THRB: variants seen among roughly 807,000 people sequenced by gnomAD.
The protein encoded by THRB is nuclear receptor subfamily 1 group A member 2.
A neutral mutation model predicts 47.8 loss-of-function variants in THRB; 12 were observed. That is an observed-to-expected ratio of 0.25 (90% CI 0.16 to 0.41). The LOEUF (loss-of-function observed/expected upper bound fraction) is 0.41, where lower values mean the gene tolerates loss of function less well. Ranked by LOEUF, THRB falls within the 10% of genes least tolerant of loss-of-function variation. The pLI is 1.00. For synonymous variants in THRB, 218 were observed against 212.2 expected (o/e 1.03, Z -0.24); for missense variants, 348 against 589.2 (o/e 0.59, Z 4.24).
chr3:24,437,494 T>C (rs1258975323), intron 1 of THRB, among the ~76,000 whole-genome samples: 1 of 152,100 alleles, frequency 6.6e-6, no homozygotes, highest in Non-Finnish European at 1.5e-5. Context: ...AGTTAACAAT[T>C]GACTGTACAT....
chr3:24,187,180 C>T (rs2042701731), intron 5 of THRB, among the ~76,000 whole-genome samples: 1 of 152,200 alleles, frequency 6.6e-6, no homozygotes, highest in South Asian at 2.1e-4. Context: ...CCCCAACTAA[C>T]TGTCTATATC....
At chr3:24,190,004 C>G in intron 5 of THRB, 70 bp downstream of exon 5, 1 of 1,458,380 alleles carries the variant, frequency 6.9e-7, no homozygotes, top group Non-Finnish European at 9.6e-7. Context: ...AGATGAAGTA[C>G]ACAGCTACAA....
intron 1 of THRB, among the ~76,000 whole-genome samples, chr3:24,449,552 T>G (rs1051294653): frequency 1.3e-5 from 2 of 152,196 alleles, no homozygotes; most frequent in African/African-American, 4.8e-5. Context: ...CCAACAGCTC[T>G]AATTTTCTGT....
intron 1 of THRB, among the ~76,000 whole-genome samples, chr3:24,367,862 C>T (rs1207045045): frequency 1.3e-5 from 2 of 152,040 alleles, no homozygotes; most frequent in Non-Finnish European, 2.9e-5. Flanking sequence ...ACTGTGATTG[C>T]CATGGGGACA....
At chr3:24,494,906 G>C (rs1332466015), upstream of THRB, 1 of 152,308 alleles carries the variant, frequency 6.6e-6, no homozygotes, top group African/African-American at 2.4e-5. Flanking sequence ...TCCTCCCGGC[G>C]GCGGGGTCCC....
At chr3:24,477,189 T>C (rs1255600890) in intron 1 of THRB, among the ~76,000 whole-genome samples, 1 of 152,048 alleles carries the variant, frequency 6.6e-6, no homozygotes, top group Admixed American at 6.6e-5. Flanking sequence ...TCTATTTTAG[T>C]CTGTTTACTT....
intron 5 of THRB, among the ~76,000 whole-genome samples, chr3:24,172,228 G>A (rs1356886046): frequency 6.6e-6 from 1 of 152,138 alleles, no homozygotes; most frequent in Non-Finnish European, 1.5e-5. Context: ...ACATAACAGT[G>A]CATTTCTCAG....
chr3:24,143,461 TG>T, intron 8 of THRB, 39 bp downstream of exon 8: 2 of 1,587,732 alleles, frequency 1.3e-6, no homozygotes, highest in Non-Finnish European at 1.7e-6. Flanking sequence ...TAGAAAACAC[TG>T]GCATATAAGT....
At chr3:24,337,128 T>C (rs2062312048) in intron 2 of THRB, among the ~76,000 whole-genome samples, 172 bp downstream of exon 2, 1 of 152,212 alleles carries the variant, frequency 6.6e-6, no homozygotes, top group African/African-American at 2.4e-5. Context: ...TTCTGTTATG[T>C]TTTTAGTTCA....
chr3:24,144,724 A>T (rs867366789), intron 7 of THRB: 5 of 152,194 alleles, frequency 3.3e-5, no homozygotes, highest in African/African-American at 1.2e-4. Flanking sequence ...CTTAGACGTC[A>T]TCTAGTCCTA....
chr3:24,351,117 G>T (rs2063331051), intron 1 of THRB, among the ~76,000 whole-genome samples: 1 of 151,500 alleles, frequency 6.6e-6, no homozygotes, highest in Non-Finnish European at 1.5e-5. Context: ...GTGTATAGTT[G>T]TAGATCAGCA....
rs762479569 is a variant in THRB, at chr3:24,462,473, C to G, written c.-261+32179G>C. Among the ~76,000 whole-genome samples the G allele has an allele frequency of 2.0e-5, 3 of 152,162 alleles. 1 individual carries two copies. The highest frequency in any genetic ancestry group is 6.5e-5 in the Admixed American group (1 of 15,284). The stretch of plus-strand genomic sequence containing the variant: ...ATTACTCACGGCATTTCAGGAGTAA[C>G]GTATTGCCGAGGTCATAGCCCTGTT... On this transcript the variant is annotated intron_variant, in intron 1 of 10. Transcript: ENST00000646209.
At chr3:24,290,481 A>G (rs1362649835) in intron 3 of THRB, among the ~76,000 whole-genome samples, 3 of 152,188 alleles carry the variant, frequency 2.0e-5, no homozygotes, top group African/African-American at 7.2e-5. Flanking sequence ...TTCAAAAACT[A>G]TACTCAGCAT....
At chr3:24,193,114 A>T (rs1423106063) in intron 4 of THRB, among the ~76,000 whole-genome samples, 7 of 152,164 alleles carry the variant, frequency 4.6e-5, no homozygotes, top group Non-Finnish European at 8.8e-5. Context: ...GTTGGTGAGA[A>T]CTGCAAGTTA....
chr3:24,188,876 T>TATATATATATATATATATATATATATGA (rs2042968780), intron 5 of THRB, among the ~76,000 whole-genome samples: 1 of 141,808 alleles, frequency 7.1e-6, no homozygotes, highest in Non-Finnish European at 1.5e-5. Flanking sequence ...TATATATATA[T>TATATATATATATATATATATATATATGA]ATATATATGA....
At chr3:24,242,423 T>C (rs966139890) in intron 3 of THRB, among the ~76,000 whole-genome samples, 2 of 152,126 alleles carry the variant, frequency 1.3e-5, no homozygotes, top group Admixed American at 6.5e-5. Context: ...AACACAATAA[T>C]GTTCTATTCA....
chr3:24,485,368 A>G (rs866066090), intron 1 of THRB, among the ~76,000 whole-genome samples: 1 of 152,184 alleles, frequency 6.6e-6, no homozygotes, highest in Non-Finnish European at 1.5e-5. Context: ...AATTAGAAAA[A>G]TTTTGCCACA....
intron 3 of THRB, among the ~76,000 whole-genome samples, chr3:24,283,949 G>T (rs953116240): frequency 7.4e-6 from 1 of 135,914 alleles, no homozygotes; most frequent in East Asian, 2.3e-4. Context: ...ACAAATGGAA[G>T]AACATTCCAT....
At chr3:24,395,560 C>T (rs756671508) in intron 1 of THRB, among the ~76,000 whole-genome samples, 4 of 151,930 alleles carry the variant, frequency 2.6e-5, no homozygotes, top group Non-Finnish European at 4.4e-5. Context: ...AAAACTACAG[C>T]GATATACCAT....
Sources: allele counts gnomAD v4.1 joint callset (sites outside exome capture counted in the v4.1 genomes callset), GRCh38; gene constraint gnomAD v4.1.1; transcripts MANE v1.5; gene names NCBI Gene and HGNC (gene_info 2026-07-23, HGNC 2026-07-21).